ANTXR1: variants seen among roughly 807,000 people sequenced by gnomAD.
The protein encoded by ANTXR1 is anthrax toxin receptor 1.
ANTXR1 carries 19 observed loss-of-function variants against 78.1 expected under a neutral mutation model. The ratio of observed to expected loss-of-function variants is 0.24; its 90% CI spans 0.17 to 0.36. The LOEUF (loss-of-function observed/expected upper bound fraction) is 0.36. Among genes scored for constraint, ANTXR1 ranks in the 10% least tolerant of loss-of-function variants. The probability of loss-of-function intolerance (pLI) is 1.00; values close to 1 mark genes in which losing one functional copy is unlikely to be tolerated. For synonymous variants in ANTXR1, 273 were observed against 260.5 expected (o/e 1.05, Z -0.46); for missense variants, 518 against 718.6 (o/e 0.72, Z 3.19).
intron 8 of ANTXR1, among the ~76,000 whole-genome samples, chr2:69,084,954 A>G (rs1182171603): frequency 2.0e-5 from 3 of 148,464 alleles, no homozygotes; most frequent in East Asian, 3.9e-4. Context: ...CCAGGTTCAC[A>G]CCATTCTCCT....
intron 3 of ANTXR1, among the ~76,000 whole-genome samples, chr2:69,052,877 C>T (rs1669965078): frequency 6.6e-6 from 1 of 152,100 alleles, no homozygotes; most frequent in Admixed American, 6.6e-5. Context: ...TTTTCACAGT[C>T]ACCCAGCTTA....
intron 16 of ANTXR1, among the ~76,000 whole-genome samples, chr2:69,188,599 A>G (rs1223193342): frequency 6.6e-6 from 1 of 152,220 alleles, no homozygotes; most frequent in Non-Finnish European, 1.5e-5. Flanking sequence ...GTCAACTTCA[A>G]ATGAAAGAAA....
At chr2:69,049,178 G>T (rs951380170) in intron 3 of ANTXR1, among the ~76,000 whole-genome samples, 1 of 152,118 alleles carries the variant, frequency 6.6e-6, no homozygotes, top group African/African-American at 2.4e-5. Context: ...GTGCATGTCA[G>T]TGGGTTTTCT....
At chr2:69,024,044 A>AT (rs1671273546) in intron 1 of ANTXR1, among the ~76,000 whole-genome samples, 1 of 152,252 alleles carries the variant, frequency 6.6e-6, no homozygotes, top group Non-Finnish European at 1.5e-5. Context: ...TTAGAAATAC[A>AT]TATCTATCAT....
At chr2:69,165,534 G>A (rs1673803531) in intron 13 of ANTXR1, among the ~76,000 whole-genome samples, 1 of 152,252 alleles carries the variant, frequency 6.6e-6, no homozygotes, top group African/African-American at 2.4e-5. Flanking sequence ...AGAAAGATGA[G>A]GAGGGGAGAT....
At chr2:69,153,467 G>A (rs954889610) in intron 13 of ANTXR1, among the ~76,000 whole-genome samples, 2 of 152,180 alleles carry the variant, frequency 1.3e-5, no homozygotes, top group Non-Finnish European at 2.9e-5. Context: ...AGACAAGTAT[G>A]GAAGGAGAGA....
chr2:69,183,398 T>A (rs10182984), intron 16 of ANTXR1, among the ~76,000 whole-genome samples: 96 of 152,126 alleles, frequency 6.3e-4, no homozygotes, highest in African/African-American at 2.2e-3. Flanking sequence ...GCCTCTTTTT[T>A]ATTTTCTATT....
intron 12 of ANTXR1, among the ~76,000 whole-genome samples, chr2:69,130,868 T>G (rs1672720100): frequency 6.6e-6 from 1 of 152,170 alleles, no homozygotes; most frequent in African/African-American, 2.4e-5. Context: ...TCTTTGAAGA[T>G]GTTGCCCACA....
chr2:69,172,436 C>T (rs924087071), intron 14 of ANTXR1: 32 of 1,596,432 alleles, frequency 2.0e-5, no homozygotes, highest in Admixed American at 3.4e-5. Context: ...TAACACAGCC[C>T]GTGCAACGTA....
chr2:69,044,815 TA>T lies in ANTXR1; in HGVS notation c.296+4del. On this transcript the variant is annotated splice_donor_region_variant and intron_variant, in intron 3 of 17. Coordinates refer to ENST00000303714, the MANE Select transcript of ANTXR1 (RefSeq NM_032208.3). ...CTTAATGAAACTGACAGAAGACAGG[TA>T]AGGATACTTCTTATCTCTGTTGTTA... The T allele has an allele frequency of 6.2e-7, 1 of 1,613,598 alleles. No individual in the cohort carries two copies. Among genetic ancestry groups the T allele is most frequent in the Non-Finnish European group, 8.5e-7 (1 of 1,179,584 alleles).
intron 3 of ANTXR1, among the ~76,000 whole-genome samples, chr2:69,061,758 A>G (rs537714461): frequency 6.6e-6 from 1 of 152,376 alleles, no homozygotes; most frequent in Non-Finnish European, 1.5e-5. Flanking sequence ...ACTTTAAAAA[A>G]TGTTTTTAAG....
chr2:69,063,387 G>A (rs1670303183), intron 3 of ANTXR1, among the ~76,000 whole-genome samples: 1 of 151,750 alleles, frequency 6.6e-6, no homozygotes, highest in South Asian at 2.1e-4. Flanking sequence ...TCTTTAAAGA[G>A]ATAAAAGAAA....
intron 8 of ANTXR1, among the ~76,000 whole-genome samples, chr2:69,084,153 G>A (rs1396440360): frequency 6.6e-6 from 1 of 152,202 alleles, no homozygotes; most frequent in Non-Finnish European, 1.5e-5. Flanking sequence ...CAGAATTTTA[G>A]AACGAAATCA....
At chr2:69,027,156 T>C (rs1440121124) in intron 1 of ANTXR1, among the ~76,000 whole-genome samples, 1 of 152,146 alleles carries the variant, frequency 6.6e-6, no homozygotes, top group Non-Finnish European at 1.5e-5. Flanking sequence ...CTGTTGGGCA[T>C]CAGCATCATG....
intron 17 of ANTXR1, among the ~76,000 whole-genome samples, chr2:69,226,630 G>C (rs952670092): frequency 6.6e-6 from 1 of 152,142 alleles, no homozygotes; most frequent in Non-Finnish European, 1.5e-5. Flanking sequence ...TCCTGGTAAG[G>C]GTTTGTGCAA....
At chr2:69,150,988 C>A (rs1673375447) in intron 12 of ANTXR1, among the ~76,000 whole-genome samples, 1 of 152,276 alleles carries the variant, frequency 6.6e-6, no homozygotes, top group South Asian at 2.1e-4. Context: ...CACACCACTA[C>A]ACTCCAACCC....
intron 17 of ANTXR1, among the ~76,000 whole-genome samples, chr2:69,232,396 T>TA (rs1675641490): frequency 6.9e-6 from 1 of 144,634 alleles, no homozygotes; most frequent in Non-Finnish European, 1.5e-5. Flanking sequence ...AAAATAAAAA[T>TA]AAAAATCTAC....
At chr2:69,014,353 C>T (rs1451294069) in intron 1 of ANTXR1, among the ~76,000 whole-genome samples, 1 of 152,100 alleles carries the variant, frequency 6.6e-6, no homozygotes, top group Non-Finnish European at 1.5e-5. Flanking sequence ...GTGGTGACAA[C>T]TAAAAATGCC....
At chr2:69,152,348 A>G (rs1673420928) in intron 13 of ANTXR1, 84 bp downstream of exon 13, 1 of 1,392,788 alleles carries the variant, frequency 7.2e-7, no homozygotes, top group African/African-American at 1.4e-5. Context: ...GGGATTTTTA[A>G]AAAACTAAAG....
Sources: gnomAD v4.1 joint callset for allele counts (sites outside exome capture counted in the v4.1 genomes callset) on GRCh38, gnomAD v4.1.1 for gene constraint, MANE v1.5 for transcripts, NCBI Gene and HGNC (gene_info 2026-07-23, HGNC 2026-07-21) for gene names.